DNAH5: variants seen among roughly 807,000 people sequenced by gnomAD.
DNAH5 encodes axonemal beta dynein heavy chain 5.
A neutral mutation model predicts 518.2 loss-of-function variants in DNAH5; 372 were observed. The observed-to-expected ratio is 0.72, with a 90% CI of 0.66 to 0.78. The LOEUF is 0.78. Ranked by LOEUF, DNAH5 falls within the 30% of genes least tolerant of loss-of-function variation. The pLI is 0.00. For missense variants in DNAH5, 5,523 were observed against 5,687.0 expected (o/e 0.97, Z 0.93); for synonymous variants, 2,039 against 2,025.9 (o/e 1.01, Z -0.17).
chr5:13,928,202 T>C (rs773229237), intron 2 of DNAH5, 24 bp from the exon 3 acceptor site: 1 of 1,581,238 alleles, frequency 6.3e-7, no homozygotes, highest in East Asian at 2.2e-5. Flanking sequence ...AAAGGCAAGA[T>C]AATGATTTTC....
At chr5:13,866,539 T>C (rs1223535208) in intron 25 of DNAH5, among the ~76,000 whole-genome samples, 1 of 152,192 alleles carries the variant, frequency 6.6e-6, no homozygotes, top group Non-Finnish European at 1.5e-5. Context: ...ATTTCTTAGG[T>C]AACACAGGGA....
intron 47 of DNAH5, among the ~76,000 whole-genome samples, chr5:13,807,190 A>G (rs1455385536): frequency 6.6e-6 from 1 of 152,200 alleles, no homozygotes; most frequent in Non-Finnish European, 1.5e-5. Context: ...ACAGGGACGC[A>G]TTAAAGATTA....
At chr5:13,733,193 G>C (rs970415909) in intron 68 of DNAH5, among the ~76,000 whole-genome samples, 3 of 152,126 alleles carry the variant, frequency 2.0e-5, no homozygotes, top group African/African-American at 7.2e-5. Context: ...CAAGGAAACT[G>C]GAGTTTGAAA....
intron 30 of DNAH5, among the ~76,000 whole-genome samples, chr5:13,856,064 C>T (rs1167451424): frequency 6.6e-6 from 1 of 152,150 alleles, no homozygotes. Flanking sequence ...AAAATCAACA[C>T]TCTAACATCA....
At chr5:13,886,444 C>T (rs1314783589) in intron 17 of DNAH5, among the ~76,000 whole-genome samples, 3 of 152,340 alleles carry the variant, frequency 2.0e-5, no homozygotes, top group East Asian at 3.9e-4. Context: ...TCACATAAAT[C>T]GGATCCAGCC....
At chr5:13,791,073 A>G (rs1392966856) in intron 50 of DNAH5, among the ~76,000 whole-genome samples, 3 of 152,136 alleles carry the variant, frequency 2.0e-5, no homozygotes. Context: ...ACCTAAAATA[A>G]AAGTTAAAAA....
intron 1 of DNAH5, among the ~76,000 whole-genome samples, chr5:13,972,986 G>A (rs997083315): frequency 6.6e-6 from 1 of 152,036 alleles, no homozygotes; most frequent in Non-Finnish European, 1.5e-5. Context: ...TTCTAATCTC[G>A]GAAGCCTGTG....
intron 1 of DNAH5, among the ~76,000 whole-genome samples, chr5:13,937,278 G>A (rs1185238184): frequency 6.7e-6 from 1 of 148,718 alleles, no homozygotes; most frequent in Non-Finnish European, 1.5e-5. Flanking sequence ...GCTCTAGCAG[G>A]AGACCCCATA....
rs2126330360 is a variant in DNAH5 at position 13,691,931 on chromosome 5, A to G, written c.*53T>C. On this transcript the variant is annotated 3_prime_UTR_variant, in exon 79 of 79. Coordinates refer to ENST00000265104, the MANE Select transcript of DNAH5 (RefSeq NM_001369.3). ...CAGTCATACAGAAATAAAGGTTACA[A>G]TAATTTAGATCTTGCATTTTCCAAA... 4 of 1,610,530 alleles carry G rather than the reference A, an allele frequency of 2.5e-6. No individual in the cohort carries two copies. The highest frequency in any genetic ancestry group is 3.4e-6 in the Non-Finnish European group (4 of 1,176,890).
rs111704329 is a variant in DNAH5 at position 13,899,055 on chromosome 5, C to A, written c.2259+1151G>T. 1.1e-3 allele frequency: 165 copies of A among 154,050 alleles called. 1 individual carries two copies. The highest frequency in any genetic ancestry group is 3.7e-3 in the African/African-American group (155 of 41,678). 9.5% of individuals were successfully genotyped at this position (154,050 alleles called of 1,614,324 possible). A position where few individuals can be genotyped will look rare whatever the true frequency, so the allele number is the denominator to read the frequency against. On this transcript the variant is annotated intron_variant, in intron 15 of 78. Transcript: ENST00000265104. ...AAGAGATTCTCCTGCCTCGGCCTCC[C>A]AAGTAGCTGAGATTACAGGCACATG...
intron 4 of DNAH5, 61 bp from the exon 5 acceptor site, chr5:13,922,389 T>G: frequency 6.9e-7 from 1 of 1,446,796 alleles, no homozygotes; most frequent in East Asian, 2.4e-5. Flanking sequence ...ACACAACTAC[T>G]AAGTCATTTC....
intron 22 of DNAH5, among the ~76,000 whole-genome samples, chr5:13,874,033 T>C (rs1770517870): frequency 6.6e-6 from 1 of 152,204 alleles, no homozygotes; most frequent in African/African-American, 2.4e-5. Flanking sequence ...GCTCCCCACA[T>C]ACAGCTAAAA....
At chr5:13,856,812 CCTTTCATGCTAAAAACTCT>C (rs536783419) in intron 30 of DNAH5, among the ~76,000 whole-genome samples, 74 of 152,248 alleles carry the variant, frequency 4.9e-4, no homozygotes, top group African/African-American at 1.7e-3. Flanking sequence ...AATTGAACAT[CCTTTCATGCTAAAAACTCT>C]CAATAAACTA....
At chr5:14,010,738 C>A (rs1214427362) in intron 1 of DNAH5, among the ~76,000 whole-genome samples, 1 of 152,014 alleles carries the variant, frequency 6.6e-6, no homozygotes, top group Admixed American at 6.5e-5. Context: ...CAATTTTGAG[C>A]AACGTAAATA....
intron 29 of DNAH5, among the ~76,000 whole-genome samples, chr5:13,862,318 G>A (rs1475619207): frequency 1.3e-5 from 2 of 152,146 alleles, no homozygotes; most frequent in African/African-American, 4.8e-5. Context: ...AGGCCAAAAT[G>A]AAAACAAGAA....
At chr5:13,776,006 C>G (rs1754036625) in intron 55 of DNAH5, among the ~76,000 whole-genome samples, 1 of 150,566 alleles carries the variant, frequency 6.6e-6, no homozygotes, top group Admixed American at 6.6e-5. Flanking sequence ...TGTACGCTCT[C>G]TAACCTCTCC....
chr5:13,888,823 A>G (rs1422934388), intron 17 of DNAH5, among the ~76,000 whole-genome samples: 1 of 152,226 alleles, frequency 6.6e-6, no homozygotes, highest in Non-Finnish European at 1.5e-5. Flanking sequence ...GAATAACATT[A>G]AAGGAGAAAA....
At chr5:13,910,269 C>A (rs1413552180) in intron 12 of DNAH5, among the ~76,000 whole-genome samples, 5 of 152,194 alleles carry the variant, frequency 3.3e-5, no homozygotes, top group Non-Finnish European at 7.3e-5. Flanking sequence ...TTTAGGCAAG[C>A]CACTTCCCCT....
Position 13,824,192 on chromosome 5 carries a change from G to A in DNAH5, c.6579+7C>T, listed in dbSNP as rs1561357664. 1 of 1,613,766 alleles carries A rather than the reference G, an allele frequency of 6.2e-7. No homozygotes were observed. The highest frequency in any genetic ancestry group is 8.5e-7 in the Non-Finnish European group (1 of 1,179,800). On this transcript the variant is annotated splice_region_variant and intron_variant, in intron 39 of 78. Coordinates refer to ENST00000265104, the MANE Select transcript of DNAH5 (RefSeq NM_001369.3). Reference sequence around the variant, plus strand: ...GTAGGTGGAACACTTCCATCTGTGAGTCTTACCAGTTTAGAAAGATTCATG... The same window carrying A: ...GTAGGTGGAACACTTCCATCTGTGAATCTTACCAGTTTAGAAAGATTCATG...
Sources: gnomAD v4.1 joint callset for allele counts (sites outside exome capture counted in the v4.1 genomes callset) on GRCh38, gnomAD v4.1.1 for gene constraint, MANE v1.5 for transcripts, NCBI Gene and HGNC (gene_info 2026-07-23, HGNC 2026-07-21) for gene names.